The following VPS53 variants were observed in gnomAD, a reference collection of about 807,000 sequenced individuals.
The protein encoded by VPS53 is vacuolar protein sorting-associated protein 53 homolog.
Under a neutral mutation model 107.0 loss-of-function variants are expected in VPS53, and 70 were observed. The observed-to-expected ratio is 0.65, with a 90% CI of 0.54 to 0.80. The LOEUF is 0.80. Ranked by LOEUF, VPS53 falls within the 30% of genes least tolerant of loss-of-function variation. The pLI is 0.00. For synonymous variants in VPS53, 409 were observed against 393.3 expected (o/e 1.04, Z -0.47); for missense variants, 917 against 1,049.4 (o/e 0.87, Z 1.74).
At chr17:608,991 C>G (rs1968715183) in intron 11 of VPS53, among the ~76,000 whole-genome samples, 1 of 152,048 alleles carries the variant, frequency 6.6e-6, no homozygotes, top group Non-Finnish European at 1.5e-5. Context: ...ACACTATCTT[C>G]TAAAGCCTTT....
chr17:555,481 G>A (rs1391062728), intron 15 of VPS53, among the ~76,000 whole-genome samples: 1 of 152,112 alleles, frequency 6.6e-6, no homozygotes, highest in East Asian at 1.9e-4. Context: ...ACAGACGTGA[G>A]CCACCACGCC....
Position 688,366 on chromosome 17 carries a change from T to C in VPS53, c.285+9052A>G, listed in dbSNP as rs562271710. ...GATGGGTTTGCTTCCCTTTCCACCA[T>C]GATTGTAAGTTTCCTGAGGCATCCC... is the stretch of plus-strand genomic sequence containing the variant. On this transcript the variant is annotated intron_variant, in intron 4 of 21. Coordinates refer to ENST00000437048, the MANE Select transcript of VPS53 (RefSeq NM_001128159.3). Among the ~76,000 whole-genome samples the C allele has an allele frequency of 2.1e-4, 32 of 152,326 alleles. No individual in the cohort carries two copies. In the South Asian group the frequency reaches 6.6e-3, roughly 32 times the overall value.
chr17:583,336 C>A (rs138378516), intron 13 of VPS53, among the ~76,000 whole-genome samples: 53 of 151,370 alleles, frequency 3.5e-4, no homozygotes, highest in Admixed American at 2.4e-3. Context: ...TCCCACAGAA[C>A]CTCCCTCAGA....
At chr17:547,804 A>G (rs747469421) in intron 17 of VPS53, among the ~76,000 whole-genome samples, 2 of 152,008 alleles carry the variant, frequency 1.3e-5, no homozygotes, top group South Asian at 2.1e-4. Context: ...TGTCCAGCAA[A>G]TTTTTTGTGT....
intron 12 of VPS53, among the ~76,000 whole-genome samples, chr17:601,351 C>T (rs1179256944): frequency 2.0e-5 from 3 of 152,206 alleles, no homozygotes; most frequent in Non-Finnish European, 4.4e-5. Context: ...TCCAGGCCTC[C>T]CCAATGGCTT....
At chr17:641,319 TC>T (rs1339126959) in intron 7 of VPS53, among the ~76,000 whole-genome samples, 3 of 152,356 alleles carry the variant, frequency 2.0e-5, no homozygotes, top group African/African-American at 7.2e-5. Flanking sequence ...TAAATAGGAT[TC>T]TAGAAAGAAG....
At chr17:602,060 A>G (rs534218495) in intron 11 of VPS53, among the ~76,000 whole-genome samples, 164 bp from the exon 12 acceptor site, 4 of 152,296 alleles carry the variant, frequency 2.6e-5, no homozygotes, top group African/African-American at 9.6e-5. Flanking sequence ...GGGCCTTCAC[A>G]GTGCTTTCCC....
intron 2 of VPS53, among the ~76,000 whole-genome samples, chr17:701,331 A>G (rs1055129802): frequency 6.6e-6 from 1 of 151,200 alleles, no homozygotes; most frequent in African/African-American, 2.4e-5. Context: ...AAAAAAAAAG[A>G]AAAACGAATC....
Position 542,524 on chromosome 17 carries a change from C to A in VPS53, c.1867-5348G>T, listed in dbSNP as rs543243018. Among the ~76,000 whole-genome samples the A allele has an allele frequency of 9.8e-4, 149 of 152,250 alleles. 1 individual carries two copies. Among genetic ancestry groups the A allele is most frequent in the African/African-American group, 3.3e-3 (137 of 41,548 alleles). ...ATGCTCTTAACACAGTGTCTCGCAGCACGTATAAATTCCACAGTAAATTTT... is the reference window on the plus strand; with the variant it reads ...ATGCTCTTAACACAGTGTCTCGCAGAACGTATAAATTCCACAGTAAATTTT... On this transcript the variant is annotated intron_variant, in intron 17 of 21. Coordinates refer to ENST00000437048, the MANE Select transcript of VPS53 (RefSeq NM_001128159.3).
chr17:623,399 G>A (rs1865679899), intron 11 of VPS53, 134 bp downstream of exon 11: 1 of 1,057,100 alleles, frequency 9.5e-7, no homozygotes, highest in Non-Finnish European at 1.3e-6. Flanking sequence ...CACTTTCCCA[G>A]CAGCTCAGTG....
In VPS53 at chr17:693,097, G is replaced by A. The variant is rs1201410149; in HGVS notation, c.285+4321C>T. Among the ~76,000 whole-genome samples the A allele has an allele frequency of 3.3e-5, 5 of 152,260 alleles. No individual in the cohort carries two copies. The East Asian group carries it at 9.7e-4, about 29-fold the overall frequency. ...TGCAGTAAGCCGAGATCACACCACT[G>A]CACTGCAGCCTGGCTGACAGCGAGA... On this transcript the variant is annotated intron_variant, in intron 4 of 21. Coordinates refer to ENST00000437048, the MANE Select transcript of VPS53 (RefSeq NM_001128159.3).
intron 17 of VPS53, 42 bp downstream of exon 17, chr17:551,830 T>TGGA: frequency 2.0e-6 from 3 of 1,523,474 alleles, no homozygotes; most frequent in Non-Finnish European, 2.7e-6. Flanking sequence ...CACCTTGGGC[T>TGGA]GCTCTCGTTA....
At chr17:674,939 A>C (rs1288292381) in intron 4 of VPS53, 1 of 152,242 alleles carries the variant, frequency 6.6e-6, no homozygotes, top group Non-Finnish European at 1.5e-5. Context: ...CTTTGTAAAC[A>C]TGTGAATCGA....
chr17:519,204 G>C lies in VPS53; in HGVS notation c.2423C>G (p.Ser808Cys), dbSNP rs1183418396. ...PSGAESSGSL[S>C]LTAPTPEQES... ...TTGCTCTGGTGTTGGCGCCGTCAGG[G>C]ACAGTGAGCCGGAGCTTTCTGCCCC... Residue 808 changes from serine (S) to cysteine (C), a missense_variant, in exon 22 of 22, where the codon TCC (serine) becomes TGC (cysteine). Coordinates refer to ENST00000437048, the MANE Select transcript of VPS53 (RefSeq NM_001128159.3). The surrounding 1 kb of genome is among the most constrained non-coding windows in gnomAD (Gnocchi z 5.0). 2 of 1,549,390 alleles carry C rather than the reference G, an allele frequency of 1.3e-6. No individual in the cohort carries two copies. Among genetic ancestry groups the C allele is most frequent in the African/African-American group, 1.4e-5 (1 of 72,902 alleles).
intron 14 of VPS53, among the ~76,000 whole-genome samples, chr17:560,989 T>C (rs1472923797): frequency 1.3e-5 from 2 of 152,108 alleles, no homozygotes; most frequent in African/African-American, 4.8e-5. Flanking sequence ...GAGGAGGACA[T>C]AAGCGCATGT....
chr17:538,679 T>C (rs1007966773), intron 17 of VPS53: 2 of 152,220 alleles, frequency 1.3e-5, no homozygotes, highest in African/African-American at 4.8e-5. Context: ...GGGACCTCCA[T>C]CTTCATTTCA....
chr17:522,804 C>T (rs953469686), intron 19 of VPS53: 9 of 152,162 alleles, frequency 5.9e-5, no homozygotes, highest in Non-Finnish European at 1.0e-4. Flanking sequence ...CACTGACTGC[C>T]GGGAATGACA....
At chr17:679,902 C>G (rs1490001930) in intron 4 of VPS53, among the ~76,000 whole-genome samples, 1 of 152,188 alleles carries the variant, frequency 6.6e-6, no homozygotes, top group East Asian at 1.9e-4. Context: ...AATCCCAGCA[C>G]TTTGGGAGGC....
At position 656,700 on chromosome 17, in the gene VPS53, A is replaced by ATGTGTG. The variant is rs34123743; in HGVS notation, c.373-753_373-748dup. 4.8e-3 allele frequency: 2,667 copies of ATGTGTG among 554,004 alleles called. 13 individuals carry two copies. In the East Asian group the frequency reaches 0.049, roughly 10 times the overall value. 34.3% of individuals were successfully genotyped at this position (554,004 alleles called of 1,614,324 possible). A position where few individuals can be genotyped will look rare whatever the true frequency, so the allele number is the denominator to read the frequency against. ...TTTCTTGGTCCATGCTGACTAAGAA[A>ATGTGTG]TGTGTGTGTGTGTGTGTGTGTGTGT... On this transcript the variant is annotated intron_variant, in intron 5 of 21. Coordinates refer to ENST00000437048, the MANE Select transcript of VPS53 (RefSeq NM_001128159.3).
Sources: gnomAD v4.1 joint callset for allele counts (sites outside exome capture counted in the v4.1 genomes callset) on GRCh38, gnomAD v4.1.1 for gene constraint, Gnocchi (gnomAD v3.1) non-coding constraint, MANE v1.5 for transcripts, NCBI Gene and HGNC (gene_info 2026-07-23, HGNC 2026-07-21) for gene names.